Variants in RYR2 observed in about 807,000 individuals in gnomAD.
RYR2 encodes the protein ryanodine receptor 2.
A neutral mutation model predicts 601.1 loss-of-function variants in RYR2; 227 were observed. That is an observed-to-expected ratio of 0.38 (90% CI 0.34 to 0.42). The LOEUF is 0.42. Ranked by LOEUF, RYR2 falls within the 10% of genes least tolerant of loss-of-function variation. The probability of loss-of-function intolerance (pLI) is 1.00; values close to 1 mark genes in which losing one functional copy is unlikely to be tolerated. For missense variants in RYR2, 4,646 were observed against 6,156.5 expected (o/e 0.75, Z 8.21); for synonymous variants, 2,223 against 2,175.1 (o/e 1.02, Z -0.61).
At chr1:237,641,048 T>C (rs1033757217) in intron 47 of RYR2, 46 bp downstream of exon 47, 1 of 1,405,768 alleles carries the variant, frequency 7.1e-7, no homozygotes, top group Admixed American at 2.0e-5. Context: ...TTTCTCTGTG[T>C]TAAGACATCT....
At chr1:237,445,941 C>A (rs187028973) in intron 14 of RYR2, among the ~76,000 whole-genome samples, 11 of 152,042 alleles carry the variant, frequency 7.2e-5, no homozygotes, top group African/African-American at 1.9e-4. Flanking sequence ...CTCAGCCTCC[C>A]GAGTAGCTAG....
intron 38 of RYR2, among the ~76,000 whole-genome samples, chr1:237,618,568 A>G (rs1473638262): frequency 6.6e-6 from 1 of 152,202 alleles, no homozygotes; most frequent in Non-Finnish European, 1.5e-5. Flanking sequence ...AGGAAACACC[A>G]ATGGGCATAG....
At chr1:237,070,387 A>T (rs1664177046) in intron 1 of RYR2, among the ~76,000 whole-genome samples, 1 of 152,142 alleles carries the variant, frequency 6.6e-6, no homozygotes, top group Admixed American at 6.5e-5. Flanking sequence ...GACCAGTTTT[A>T]TGATAGGATG....
rs1254878313 is a variant in RYR2, at chr1:237,792,198, A to G, written c.13657A>G (p.Arg4553Gly). The change falls in exon 94 of 105, where the codon AGA becomes GGA. Residue 4553 changes from arginine to glycine, a missense_variant. Coordinates refer to ENST00000366574, the MANE Select transcript of RYR2 (RefSeq NM_001035.3). The part of the protein sequence containing the change: ...KVTSLDSSSH[R>G]IIAVHYVLEE... ...GACAAGCCTGGACAGCAGCTCCCATAGAATCATCGCAGTTCACTATGTACT... is the reference window on the plus strand; with the variant it reads ...GACAAGCCTGGACAGCAGCTCCCATGGAATCATCGCAGTTCACTATGTACT... 1.9e-6 allele frequency: 3 copies of G among 1,613,650 alleles called. No individual in the cohort carries two copies. The highest frequency in any genetic ancestry group is 1.1e-5 in the South Asian group (1 of 91,034).
intron 99 of RYR2, among the ~76,000 whole-genome samples, chr1:237,808,553 G>A (rs1270032719): frequency 4.6e-5 from 7 of 151,660 alleles, no homozygotes; most frequent in Non-Finnish European, 7.4e-5. Flanking sequence ...CCCACTACTC[G>A]GGAGGCTGAG....
chr1:237,109,475 C>T (rs995679758), intron 1 of RYR2, among the ~76,000 whole-genome samples: 1 of 151,894 alleles, frequency 6.6e-6, no homozygotes, highest in Non-Finnish European at 1.5e-5. Context: ...AATCTAAGAG[C>T]AATATCTGAT....
At chr1:237,160,664 C>A (rs888660067) in intron 1 of RYR2, among the ~76,000 whole-genome samples, 11 of 151,792 alleles carry the variant, frequency 7.2e-5, no homozygotes, top group African/African-American at 2.7e-4. Context: ...GACAGCCTTT[C>A]ATTGATCTTT....
At chr1:237,350,571 CAAAAAAAAAAAAAAAAAAAAAA>C (rs1167546068) in intron 3 of RYR2, among the ~76,000 whole-genome samples, 2 of 26,964 alleles carry the variant, frequency 7.4e-5, no homozygotes, top group African/African-American at 2.2e-4. Context: ...GACTCTGTCT[CAAAAAAAAAAAAAAAAAAAAAA>C]AAAAAAAAAA....
At chr1:237,271,460 G>A (rs1572427501) in intron 2 of RYR2, among the ~76,000 whole-genome samples, 1 of 152,080 alleles carries the variant, frequency 6.6e-6, no homozygotes, top group South Asian at 2.1e-4. Context: ...TTTACTGTAT[G>A]TTCTGTATAT....
intron 1 of RYR2, among the ~76,000 whole-genome samples, chr1:237,239,713 G>A (rs1000601918): frequency 2.6e-5 from 4 of 152,290 alleles, no homozygotes; most frequent in South Asian, 2.1e-4. Context: ...AAATCTTACC[G>A]AGGACTCTCT....
intron 10 of RYR2, among the ~76,000 whole-genome samples, chr1:237,414,602 TACAC>T (rs1335470079): frequency 6.6e-6 from 1 of 152,228 alleles, no homozygotes; most frequent in East Asian, 1.9e-4. Context: ...TTTCAATACA[TACAC>T]ACAGTATAGA....
chr1:237,746,040 CAG>C (rs1210413347), intron 80 of RYR2, among the ~76,000 whole-genome samples: 2 of 151,720 alleles, frequency 1.3e-5, no homozygotes, highest in African/African-American at 4.8e-5. Context: ...AGCTGAGAAA[CAG>C]AGATATATAT....
At chr1:237,585,833 AT>A (rs1443302017) in intron 29 of RYR2, among the ~76,000 whole-genome samples, 1 of 152,204 alleles carries the variant, frequency 6.6e-6, no homozygotes, top group African/African-American at 2.4e-5. Flanking sequence ...TACTGGTATA[AT>A]TGCTATAAAC....
At chr1:237,617,888 G>A (rs765495700) in intron 38 of RYR2, among the ~76,000 whole-genome samples, 7 of 152,062 alleles carry the variant, frequency 4.6e-5, no homozygotes, top group East Asian at 1.9e-4. Flanking sequence ...CTTGCTTGCC[G>A]GAAGACTGAT....
chr1:237,643,964 G>T (rs1233922910), intron 48 of RYR2, among the ~76,000 whole-genome samples: 1 of 152,032 alleles, frequency 6.6e-6, no homozygotes, highest in African/African-American at 2.4e-5. Flanking sequence ...TGTTTGCTTT[G>T]GGATTTTAAT....
chr1:237,152,797 A>G (rs111534385), intron 1 of RYR2, among the ~76,000 whole-genome samples: 3,247 of 152,304 alleles, frequency 0.021, 115 homozygotes, highest in African/African-American at 0.073. Flanking sequence ...AAAAGCTGAA[A>G]TTGACAAATG....
At chr1:237,433,486 T>G (rs1707043723) in intron 12 of RYR2, among the ~76,000 whole-genome samples, 1 of 151,516 alleles carries the variant, frequency 6.6e-6, no homozygotes, top group African/African-American at 2.4e-5. Context: ...AAAGAGACCT[T>G]GATTAAAGAT....
rs142897385 is a variant in RYR2, at chr1:237,116,911, A to T, written c.48+74342A>T. On this transcript the variant is annotated intron_variant, in intron 1 of 104. Coordinates refer to ENST00000366574, the MANE Select transcript of RYR2 (RefSeq NM_001035.3). ...TCCTTTACTGAGTTCACCAATTCAC[A>T]TGCTAATCTAATCTGGAAACACCCA... Among the ~76,000 whole-genome samples the T allele has an allele frequency of 8.6e-4, 131 of 152,320 alleles. 2 individuals are homozygous for T. In the East Asian group the frequency reaches 0.024, roughly 28 times the overall value.
At chr1:237,108,617 T>C (rs376869397) in intron 1 of RYR2, among the ~76,000 whole-genome samples, 3 of 152,042 alleles carry the variant, frequency 2.0e-5, no homozygotes, top group East Asian at 1.9e-4. Flanking sequence ...CTGAGGCACA[T>C]AGGAAGTAGA....
Sources: allele counts gnomAD v4.1 joint callset (sites outside exome capture counted in the v4.1 genomes callset), GRCh38; gene constraint gnomAD v4.1.1; transcripts MANE v1.5; gene names NCBI Gene and HGNC (gene_info 2026-07-23, HGNC 2026-07-21).